The following VAV2 variants were observed in gnomAD, a reference collection of about 807,000 sequenced individuals.
VAV2 encodes guanine nucleotide exchange factor VAV2.
VAV2 carries 67 observed loss-of-function variants against 132.5 expected under a neutral mutation model. The observed-to-expected ratio is 0.51, with a 90% CI of 0.42 to 0.62. The LOEUF (loss-of-function observed/expected upper bound fraction) is 0.62, where lower values mean the gene tolerates loss of function less well. Among genes scored for constraint, VAV2 ranks in the 20% least tolerant of loss-of-function variants. The pLI is 0.00. For missense variants in VAV2, 938 were observed against 1,153.6 expected, an observed-to-expected ratio of 0.81 and a Z score of 2.71; for synonymous variants, 492 against 443.5, an observed-to-expected ratio of 1.11 and a Z score of -1.37.
At chr9:133,931,404 G>GCC (rs59564273) in intron 2 of VAV2, among the ~76,000 whole-genome samples, 6 of 152,034 alleles carry the variant, frequency 3.9e-5, no homozygotes, top group South Asian at 2.1e-4. Context: ...CGCCCAGGGG[G>GCC]CCCCCCTCCT....
Position 133,783,607 on chromosome 9 carries a change from C to T in VAV2, c.1635-16G>A, listed in dbSNP as rs771844283. ...GAAGGTGCCCCTGCACAGGGGAGGG[C>T]AGGAGGTGAGGTCGAGGCTGGGGTC... On this transcript the variant is annotated splice_polypyrimidine_tract_variant and intron_variant, in intron 18 of 29. Coordinates refer to ENST00000371850, the MANE Select transcript of VAV2 (RefSeq NM_001134398.2). 5 of 1,613,628 alleles carry T rather than the reference C, an allele frequency of 3.1e-6. No homozygotes were observed. The Admixed American group carries it at 6.7e-5, about 22-fold the overall frequency.
chr9:133,891,877 G>A (rs535549795), intron 2 of VAV2, among the ~76,000 whole-genome samples: 6 of 129,620 alleles, frequency 4.6e-5, no homozygotes, highest in African/African-American at 1.5e-4. Context: ...GGGAGGCATG[G>A]GGATGGAGTT....
intron 1 of VAV2, among the ~76,000 whole-genome samples, chr9:133,942,861 G>T (rs1310085127): frequency 6.6e-6 from 1 of 152,242 alleles, no homozygotes; most frequent in Non-Finnish European, 1.5e-5. Flanking sequence ...CACACAGGCT[G>T]ATGCAGATGG....
intron 1 of VAV2, among the ~76,000 whole-genome samples, chr9:133,978,919 C>A (rs425790): frequency 0.51 from 77,687 of 152,172 alleles, 20,906 homozygotes; most frequent in African/African-American, 0.64. Flanking sequence ...GCACCTGAGC[C>A]TGGGGCTGGC....
chr9:133,780,587 T>C (rs1276042432), intron 20 of VAV2, 107 bp downstream of exon 20: 35 of 1,240,812 alleles, frequency 2.8e-5, no homozygotes, highest in Non-Finnish European at 3.1e-5. Flanking sequence ...CAAGCCGGTG[T>C]GGCCCCATGA....
At position 133,800,383 on chromosome 9, in the gene VAV2, C is replaced by T. The variant is rs970283019; in HGVS notation, c.837-2574G>A. On this transcript the variant is annotated intron_variant, in intron 9 of 29. Coordinates refer to ENST00000371850, the MANE Select transcript of VAV2 (RefSeq NM_001134398.2). ...CCAAGACCGCCTGGAGGCGGGAGGA[C>T]GAGTCTGGGCTGGGGAGAAGGAAAG... Among the ~76,000 whole-genome samples, 9 of 152,282 alleles carry T rather than the reference C, an allele frequency of 5.9e-5. No individual in the cohort carries two copies. In the East Asian group the frequency reaches 9.7e-4, roughly 16 times the overall value.
At chr9:133,966,472 G>A (rs1842143833) in intron 1 of VAV2, among the ~76,000 whole-genome samples, 3 of 152,236 alleles carry the variant, frequency 2.0e-5, no homozygotes, top group Non-Finnish European at 2.9e-5. Flanking sequence ...TTGAGAGGCC[G>A]AGGCGGGAAG....
At position 133,861,439 on chromosome 9, in the gene VAV2, G is replaced by T; in HGVS notation, c.322-7C>A. 1.2e-6 allele frequency: 2 copies of T among 1,612,634 alleles called. No homozygotes were observed. The highest frequency in any genetic ancestry group is 2.2e-5 in the East Asian group (1 of 44,852). ...TCGACACCGCGGAGATGACCTGGGG[G>T]AGACAAGAAGAGACGCTCCTGTAAT... On this transcript the variant is annotated splice_polypyrimidine_tract_variant and splice_region_variant and intron_variant, in intron 2 of 29. Transcript: ENST00000371850.
chr9:133,902,094 G>T (rs1050033787), intron 2 of VAV2, among the ~76,000 whole-genome samples: 1 of 151,430 alleles, frequency 6.6e-6, no homozygotes, highest in East Asian at 2.0e-4. Flanking sequence ...GTTTCGTCAG[G>T]ACCATGGAGA....
intron 3 of VAV2, among the ~76,000 whole-genome samples, chr9:133,860,225 C>T (rs1351925042): frequency 1.3e-5 from 2 of 151,786 alleles, no homozygotes; most frequent in Admixed American, 6.6e-5. Context: ...TGGTGTGAAC[C>T]CGGGAGACGG....
intron 4 of VAV2, among the ~76,000 whole-genome samples, chr9:133,831,739 T>A (rs1836273839): frequency 6.6e-6 from 1 of 152,152 alleles, no homozygotes; most frequent in Non-Finnish European, 1.5e-5. Context: ...AATCCCAACC[T>A]CAGGCTGGTA....
At chr9:133,897,327 G>A (rs1398302637) in intron 2 of VAV2, among the ~76,000 whole-genome samples, 7 of 152,130 alleles carry the variant, frequency 4.6e-5, no homozygotes, top group Non-Finnish European at 1.0e-4. Context: ...ACTGGGTCAG[G>A]AGCCCAGCAC....
chr9:133,855,308 G>C (rs2073928), intron 3 of VAV2, among the ~76,000 whole-genome samples: 16,974 of 152,296 alleles, frequency 0.11, 1,112 homozygotes, highest in South Asian at 0.16. Flanking sequence ...CCCATTCACG[G>C]AGCCTCCGGC....
chr9:133,771,484 A>T (rs1833623071), intron 26 of VAV2, among the ~76,000 whole-genome samples: 1 of 152,210 alleles, frequency 6.6e-6, no homozygotes, highest in Non-Finnish European at 1.5e-5. Flanking sequence ...AAGAAAAGAA[A>T]ATGTAGGCAT....
chr9:133,788,347 G>A lies in VAV2; in HGVS notation c.1407+7C>T. On this transcript the variant is annotated splice_region_variant and intron_variant, in intron 15 of 29. Coordinates refer to ENST00000371850, the MANE Select transcript of VAV2 (RefSeq NM_001134398.2). This position sits in a 1 kb window ranked among gnomAD's most constrained non-coding sequence, Gnocchi z 5.3. Reference sequence around the variant, plus strand: ...CTGGGTAGCAGGGGGGACCCGGAAGGCCCCACCTTCTTGACGTCCTTGTTG... The same window carrying A: ...CTGGGTAGCAGGGGGGACCCGGAAGACCCCACCTTCTTGACGTCCTTGTTG... The A allele has an allele frequency of 6.2e-7, 1 of 1,602,060 alleles. No homozygotes were observed. The highest frequency in any genetic ancestry group is 8.5e-7 in the Non-Finnish European group (1 of 1,169,876).
chr9:133,911,620 TC>T (rs774301879), intron 2 of VAV2, among the ~76,000 whole-genome samples: 4 of 152,198 alleles, frequency 2.6e-5, no homozygotes, highest in Non-Finnish European at 5.9e-5. Context: ...CCAGTGTCAC[TC>T]CTGAGGCCTA....
At chr9:133,793,566 C>A (rs555979260) in intron 12 of VAV2, among the ~76,000 whole-genome samples, 5 of 152,308 alleles carry the variant, frequency 3.3e-5, no homozygotes, top group Admixed American at 2.0e-4. Context: ...GGACCACCCC[C>A]CTCCCAAAGG....
chr9:133,790,588 G>A (rs1179713930), intron 13 of VAV2, among the ~76,000 whole-genome samples: 2 of 152,178 alleles, frequency 1.3e-5, no homozygotes, highest in Non-Finnish European at 2.9e-5. Context: ...TGACCGCCTC[G>A]CGCAGGAGCT....
rs1328608216 is a variant in VAV2 at position 133,833,213 on chromosome 9, A to T, written c.449+1059T>A. On this transcript the variant is annotated intron_variant, in intron 4 of 29. Coordinates refer to ENST00000371850, the MANE Select transcript of VAV2 (RefSeq NM_001134398.2). The surrounding 1 kb of genome is among the most constrained non-coding windows in gnomAD (Gnocchi z 5.6). Reference sequence around the variant, plus strand: ...GGGATGACTTGAATTGTGTATATACACAGGGATCCTGCGGAAAGTATTTTC... The same window carrying T: ...GGGATGACTTGAATTGTGTATATACTCAGGGATCCTGCGGAAAGTATTTTC... 1.3e-5 allele frequency among the ~76,000 whole-genome samples: 2 copies of T among 152,182 alleles called. No homozygotes were observed. Among genetic ancestry groups the T allele is most frequent in the Non-Finnish European group, 2.9e-5 (2 of 68,032 alleles).
Sources: allele counts gnomAD v4.1 joint callset (sites outside exome capture counted in the v4.1 genomes callset), GRCh38; gene constraint gnomAD v4.1.1; non-coding constraint Gnocchi (gnomAD v3.1); transcripts MANE v1.5; gene names NCBI Gene and HGNC (gene_info 2026-07-23, HGNC 2026-07-21).